The following RPH3A variants were observed in gnomAD, a reference collection of about 807,000 sequenced individuals.
RPH3A encodes rabphilin-3A.
Under a neutral mutation model 102.2 loss-of-function variants are expected in RPH3A, and 48 were observed. That is an observed-to-expected ratio of 0.47 (90% CI 0.37 to 0.60). The LOEUF (loss-of-function observed/expected upper bound fraction) is 0.60, where lower values mean the gene tolerates loss of function less well. RPH3A is among the 20% of genes least tolerant of loss of function. The pLI is 0.00. For synonymous variants in RPH3A, 310 were observed against 324.3 expected, an observed-to-expected ratio of 0.96 and a Z score of 0.47; for missense variants, 781 against 910.1, an observed-to-expected ratio of 0.86 and a Z score of 1.83.
At chr12:112,885,443 C>T (rs1463583483) in intron 16 of RPH3A, among the ~76,000 whole-genome samples, 1 of 152,202 alleles carries the variant, frequency 6.6e-6, no homozygotes, top group Admixed American at 6.5e-5. Context: ...TGACTAAGTA[C>T]AACACTTTCT....
At chr12:112,693,767 G>C (rs757991566) in intron 1 of RPH3A, among the ~76,000 whole-genome samples, 2 of 152,012 alleles carry the variant, frequency 1.3e-5, no homozygotes, top group Non-Finnish European at 2.9e-5. Context: ...CCATTATCTA[G>C]GTTTATATTT....
At chr12:112,634,710 G>T (rs2039836113) in intron 1 of RPH3A, among the ~76,000 whole-genome samples, 1 of 152,150 alleles carries the variant, frequency 6.6e-6, no homozygotes. Context: ...CAATTTGGGG[G>T]CACAGCATTA....
At chr12:112,831,011 T>C (rs1046464786) in intron 3 of RPH3A, among the ~76,000 whole-genome samples, 20 of 152,104 alleles carry the variant, frequency 1.3e-4, no homozygotes, top group Non-Finnish European at 4.4e-5. Context: ...TTTCAGGCTT[T>C]TCTGGCCATA....
At chr12:112,863,079 C>A (rs1329199643) in intron 5 of RPH3A, among the ~76,000 whole-genome samples, 2 of 152,012 alleles carry the variant, frequency 1.3e-5, no homozygotes, top group Middle Eastern at 6.8e-3. Flanking sequence ...GGGAAGTGAC[C>A]CCCCCAAAAA....
At chr12:112,840,231 T>C (rs2042119802) in intron 4 of RPH3A, among the ~76,000 whole-genome samples, 1 of 152,194 alleles carries the variant, frequency 6.6e-6, no homozygotes. Context: ...TTGGGGTACA[T>C]GTGATATTTT....
intron 2 of RPH3A, among the ~76,000 whole-genome samples, chr12:112,811,398 T>C (rs2041572559): frequency 6.6e-6 from 1 of 152,184 alleles, no homozygotes; most frequent in Non-Finnish European, 1.5e-5. Context: ...CATTATTTTC[T>C]CTGTAAGGCA....
intron 6 of RPH3A, among the ~76,000 whole-genome samples, chr12:112,866,055 A>G (rs1014765199): frequency 2.0e-5 from 3 of 152,092 alleles, no homozygotes; most frequent in African/African-American, 7.2e-5. Flanking sequence ...CTTTCCTTAA[A>G]CTGTCTGCAC....
At chr12:112,776,008 T>G (rs1304018780) in intron 1 of RPH3A, among the ~76,000 whole-genome samples, 2 of 152,150 alleles carry the variant, frequency 1.3e-5, no homozygotes, top group Non-Finnish European at 2.9e-5. Flanking sequence ...GAAAGAGGAT[T>G]TATTGAGTCA....
At chr12:112,775,048 C>T (rs1165389339) in intron 1 of RPH3A, among the ~76,000 whole-genome samples, 1 of 151,044 alleles carries the variant, frequency 6.6e-6, no homozygotes, top group Non-Finnish European at 1.5e-5. Flanking sequence ...CACACTGGGG[C>T]CTGTTGAGGG....
At chr12:112,646,165 A>G (rs900580546) in intron 1 of RPH3A, among the ~76,000 whole-genome samples, 1 of 152,172 alleles carries the variant, frequency 6.6e-6, no homozygotes, top group African/African-American at 2.4e-5. Flanking sequence ...TTTTGATCCA[A>G]AAGAAAAATA....
chr12:112,641,225 T>C (rs1325561468), intron 1 of RPH3A, among the ~76,000 whole-genome samples: 2 of 152,222 alleles, frequency 1.3e-5, no homozygotes, highest in African/African-American at 4.8e-5. Context: ...CTCTATTAAA[T>C]TCAAAGCTAT....
intron 1 of RPH3A, among the ~76,000 whole-genome samples, chr12:112,637,508 A>T (rs2039856935): frequency 6.6e-6 from 1 of 152,210 alleles, no homozygotes; most frequent in Admixed American, 6.5e-5. Flanking sequence ...ACGTTCAGAT[A>T]AGCAATAAAC....
chr12:112,637,349 T>C (rs2039856028), intron 1 of RPH3A, among the ~76,000 whole-genome samples: 1 of 152,176 alleles, frequency 6.6e-6, no homozygotes, highest in African/African-American at 2.4e-5. Flanking sequence ...TGAGTACCTA[T>C]CACCCAGCTT....
chr12:112,793,515 T>A (rs542896104), intron 2 of RPH3A, among the ~76,000 whole-genome samples: 46 of 152,362 alleles, frequency 3.0e-4, no homozygotes, highest in Non-Finnish European at 6.2e-4. Context: ...TCCCACAGCA[T>A]GTGCCTGCTC....
At chr12:112,725,663 T>C (rs1201573998) in intron 1 of RPH3A, among the ~76,000 whole-genome samples, 1 of 152,190 alleles carries the variant, frequency 6.6e-6, no homozygotes. Context: ...GCCACGGTGA[T>C]TGGTTCAGGG....
At chr12:112,851,305 G>A (rs2042319265) in intron 5 of RPH3A, among the ~76,000 whole-genome samples, 1 of 152,168 alleles carries the variant, frequency 6.6e-6, no homozygotes, top group Non-Finnish European at 1.5e-5. Context: ...CTGACTCTCG[G>A]AACTATGCTC....
At chr12:112,654,587 A>C (rs2039997496) in intron 1 of RPH3A, among the ~76,000 whole-genome samples, 1 of 152,152 alleles carries the variant, frequency 6.6e-6, no homozygotes, top group Non-Finnish European at 1.5e-5. Context: ...CTTTGAAATC[A>C]CAGAGAAATC....
At position 112,876,634 on chromosome 12, in the gene RPH3A, C is replaced by T. The variant is rs749975833; in HGVS notation, c.947-8C>T. The T allele has an allele frequency of 6.3e-7, 1 of 1,589,218 alleles. No homozygotes were observed. The highest frequency in any genetic ancestry group is 1.1e-5 in the South Asian group (1 of 88,048). ...AGCTGCATGTTTCCTGTCCTTATCT[C>T]CCTGCAGAGGTGGCTCCGAGCGACC... On this transcript the variant is annotated splice_region_variant and splice_polypyrimidine_tract_variant and intron_variant, in intron 12 of 21. Coordinates refer to ENST00000389385, the MANE Select transcript of RPH3A (RefSeq NM_001143854.2).
intron 1 of RPH3A, among the ~76,000 whole-genome samples, chr12:112,649,732 G>A (rs1411583756): frequency 6.6e-6 from 1 of 152,182 alleles, no homozygotes; most frequent in African/African-American, 2.4e-5. Flanking sequence ...CACAGGCTGG[G>A]TGGCTTAAAC....
Sources: allele counts gnomAD v4.1 joint callset (sites outside exome capture counted in the v4.1 genomes callset), GRCh38; gene constraint gnomAD v4.1.1; transcripts MANE v1.5; gene names NCBI Gene and HGNC (gene_info 2026-07-23, HGNC 2026-07-21).